The following DDX6 variants were observed in gnomAD, a reference collection of about 807,000 sequenced individuals.
DDX6 encodes the protein DEAD-box helicase 6, also known as probable ATP-dependent RNA helicase DDX6.
DDX6 carries 7 observed loss-of-function variants against 60.6 expected under a neutral mutation model. The ratio of observed to expected loss-of-function variants is 0.12; its 90% CI spans 0.07 to 0.22. The LOEUF is 0.22. Among genes scored for constraint, DDX6 ranks in the 10% least tolerant of loss-of-function variants. The pLI is 1.00. For synonymous variants in DDX6, 207 were observed against 201.0 expected, an observed-to-expected ratio of 1.03 and a Z score of -0.25; for missense variants, 270 against 589.9, an observed-to-expected ratio of 0.46 and a Z score of 5.62.
At position 118,750,542 on chromosome 11, in the gene DDX6, C is replaced by G. The variant is rs1400409718; in HGVS notation, c.*1563G>C. 1.3e-5 allele frequency: 2 copies of G among 152,154 alleles called. No homozygotes were observed. Among genetic ancestry groups the G allele is most frequent in the African/African-American group, 4.8e-5 (2 of 41,434 alleles). The allele number at this position is 152,154 out of a possible 1,614,324, so 9.4% of individuals were successfully genotyped here. The stretch of plus-strand genomic sequence containing the variant: ...GGGCAGAGGGCAACACATTTACACA[C>G]TACAGGAAATGATCCACAGAAAATT... On this transcript the variant is annotated 3_prime_UTR_variant, in exon 14 of 14. Transcript: ENST00000534980.
intron 2 of DDX6, 30 bp downstream of exon 2, chr11:118,786,020 AGT>A (rs1489203349): frequency 6.3e-7 from 1 of 1,589,904 alleles, no homozygotes; most frequent in Admixed American, 1.7e-5. Flanking sequence ...GTTCCCCACA[AGT>A]GTTTATTAAT....
At chr11:118,766,095 A>G (rs147015022) in intron 5 of DDX6, among the ~76,000 whole-genome samples, 324 of 151,978 alleles carry the variant, frequency 2.1e-3, no homozygotes, top group African/African-American at 7.5e-3. Context: ...GAAAAGAAAC[A>G]CTGCCCCTTA....
At chr11:118,762,455 C>G (rs1861208078) in intron 7 of DDX6, among the ~76,000 whole-genome samples, 1 of 151,476 alleles carries the variant, frequency 6.6e-6, no homozygotes, top group African/African-American at 2.4e-5. Context: ...CATCGCTCAG[C>G]CTAGCCTCCT....
rs1328707478 is a variant in DDX6 at position 118,751,322 on chromosome 11, G to A, written c.*783C>T. On this transcript the variant is annotated 3_prime_UTR_variant, in exon 14 of 14. Coordinates refer to ENST00000534980, the MANE Select transcript of DDX6 (RefSeq NM_004397.6). ...TGCTCTTTCCTTTGGGAGCGATGAT[G>A]TTTTTTATCTACTCAGCCCAGAAGA... is the stretch of plus-strand genomic sequence containing the variant. 6.6e-6 allele frequency: 1 copy of A among 151,614 alleles called. No homozygotes were observed. Among genetic ancestry groups the A allele is most frequent in the Non-Finnish European group, 1.5e-5 (1 of 67,952 alleles). 9.4% of individuals were successfully genotyped at this position (151,614 alleles called of 1,614,324 possible). A position where few individuals can be genotyped will look rare whatever the true frequency, so the allele number is the denominator to read the frequency against.
intron 4 of DDX6, 136 bp downstream of exon 4, chr11:118,779,496 C>T: frequency 5.4e-6 from 3 of 555,414 alleles, no homozygotes; most frequent in South Asian, 2.8e-5. Flanking sequence ...TCTAATTTAC[C>T]CTTAAAAATT....
intron 7 of DDX6, 61 bp from the exon 8 acceptor site, chr11:118,760,105 A>G: frequency 1.4e-6 from 2 of 1,473,972 alleles, no homozygotes; most frequent in Non-Finnish European, 1.8e-6. Context: ...GTCTTGGTTA[A>G]TACATGGTCA....
Position 118,763,315 on chromosome 11 carries a change from G to A in DDX6, c.647-9C>T. On this transcript the variant is annotated splice_polypyrimidine_tract_variant and intron_variant, in intron 6 of 13. Transcript: ENST00000534980. ...AGCAATCACCACGTGCACTATGCAA[G>A]ATTTAGAAAACATACATTCTCATTA... 2 of 1,595,960 alleles carry A rather than the reference G, an allele frequency of 1.3e-6. No homozygotes were observed. The highest frequency in any genetic ancestry group is 1.7e-6 in the Non-Finnish European group (2 of 1,164,848).
intron 10 of DDX6, among the ~76,000 whole-genome samples, chr11:118,756,534 A>G (rs1193420382): frequency 6.8e-6 from 1 of 146,058 alleles, no homozygotes; most frequent in Non-Finnish European, 1.5e-5. Flanking sequence ...GTAGTTAACA[A>G]AAAAGTCATT....
intron 7 of DDX6, among the ~76,000 whole-genome samples, chr11:118,761,478 T>C (rs1434611042): frequency 7.2e-6 from 1 of 139,064 alleles, no homozygotes; most frequent in African/African-American, 2.7e-5. Context: ...TAGCCCGGCA[T>C]GGTGGCACAT....
Position 118,759,905 on chromosome 11 carries a change from T to A in DDX6, c.864+17A>T. The A allele has an allele frequency of 1.2e-6, 2 of 1,606,526 alleles. No homozygotes were observed. Among genetic ancestry groups the A allele is most frequent in the African/African-American group, 2.7e-5 (2 of 74,696 alleles). ...GTCACAGGATGGCACTGATTCCAAG[T>A]ACAGATTTATACTCACCATGAACTT... On this transcript the variant is annotated intron_variant, in intron 8 of 13. Coordinates refer to ENST00000534980, the MANE Select transcript of DDX6 (RefSeq NM_004397.6).
At chr11:118,765,412 T>A (rs140827289) in intron 5 of DDX6, 57 bp from the exon 6 acceptor site, 4 of 1,552,952 alleles carry the variant, frequency 2.6e-6, no homozygotes, top group African/African-American at 2.7e-5. Context: ...GAGAACATGC[T>A]ATACATCATT....
intron 4 of DDX6, among the ~76,000 whole-genome samples, chr11:118,770,589 C>T (rs1861504032): frequency 6.6e-6 from 1 of 152,038 alleles, no homozygotes; most frequent in Non-Finnish European, 1.5e-5. Context: ...GCCAGAACAA[C>T]TGTGAAAATA....
chr11:118,759,888 A>C, intron 8 of DDX6, 34 bp downstream of exon 8: 1 of 1,601,082 alleles, frequency 6.2e-7, no homozygotes, highest in African/African-American at 1.3e-5. Context: ...AGGTCACAGG[A>C]TGGCACTGAT....
chr11:118,765,077 C>G (rs1555161032), intron 6 of DDX6, 132 bp downstream of exon 6: 2 of 1,015,354 alleles, frequency 2.0e-6, no homozygotes, highest in South Asian at 3.4e-5. Flanking sequence ...CGCTTGAATG[C>G]AGTGGTCATT....
intron 1 of DDX6, 76 bp from the exon 2 acceptor site, chr11:118,786,594 A>G (rs1205700575): frequency 1.4e-5 from 3 of 211,334 alleles, no homozygotes; most frequent in African/African-American, 6.8e-5. Flanking sequence ...AACCCCTTTA[A>G]AAGAATTCTC....
intron 13 of DDX6, 127 bp from the exon 14 acceptor site, chr11:118,752,224 A>T (rs1860798966): frequency 6.4e-6 from 1 of 157,144 alleles, no homozygotes; most frequent in Non-Finnish European, 1.4e-5. Flanking sequence ...CCTACTATAG[A>T]ATCTACTGGT....
chr11:118,774,085 C>T (rs570770891), intron 4 of DDX6, among the ~76,000 whole-genome samples: 39 of 152,204 alleles, frequency 2.6e-4, no homozygotes, highest in Admixed American at 2.0e-3. Context: ...CCATGTTTCC[C>T]TCAATAATCA....
chr11:118,777,802 C>T (rs1257236702), intron 4 of DDX6, among the ~76,000 whole-genome samples: 1 of 149,488 alleles, frequency 6.7e-6, no homozygotes, highest in East Asian at 2.0e-4. Flanking sequence ...GACACAAGAA[C>T]TGCTTGAACC....
At chr11:118,782,197 T>C (rs564661336) in intron 2 of DDX6, among the ~76,000 whole-genome samples, 3 of 152,086 alleles carry the variant, frequency 2.0e-5, no homozygotes, top group Non-Finnish European at 2.9e-5. Flanking sequence ...TAAAACAAAA[T>C]AGGTTAACAG....
Sources: gnomAD v4.1 joint callset for allele counts (sites outside exome capture counted in the v4.1 genomes callset) on GRCh38, gnomAD v4.1.1 for gene constraint, MANE v1.5 for transcripts, NCBI Gene and HGNC (gene_info 2026-07-23, HGNC 2026-07-21) for gene names.